The following CNN3 variants were observed in gnomAD, a reference collection of about 807,000 sequenced individuals.
CNN3 encodes calponin 3.
A neutral mutation model predicts 39.0 loss-of-function variants in CNN3; 11 were observed. That is an observed-to-expected ratio of 0.28 (90% CI 0.18 to 0.47). The LOEUF (loss-of-function observed/expected upper bound fraction) is 0.47, where lower values mean the gene tolerates loss of function less well. Ranked by LOEUF, CNN3 falls within the 20% of genes least tolerant of loss-of-function variation. CNN3 has a pLI of 0.99. For synonymous variants in CNN3, 101 were observed against 138.3 expected, an observed-to-expected ratio of 0.73 and a Z score of 1.89; for missense variants, 266 against 403.4, an observed-to-expected ratio of 0.66 and a Z score of 2.92.
chr1:94,926,905 G>A lies in CNN3; in HGVS notation c.-11C>T, dbSNP rs1253572787. On this transcript the variant is annotated 5_prime_UTR_variant, in exon 1 of 7. Transcript: ENST00000370206. This position sits in a 1 kb window ranked among gnomAD's most constrained non-coding sequence, Gnocchi z 4.2. ...GTTGAAGTGGGTCATGGTGGTTCGG[G>A]CGGCGGGAAGAGACAGCGCTGGGGT... 1 of 1,607,436 alleles carries A rather than the reference G, an allele frequency of 6.2e-7. No homozygotes were observed. Among genetic ancestry groups the A allele is most frequent in the African/African-American group, 1.4e-5 (1 of 74,014 alleles).
chr1:94,912,646 A>G (rs1445080876), intron 1 of CNN3, among the ~76,000 whole-genome samples: 1 of 152,198 alleles, frequency 6.6e-6, no homozygotes, highest in Non-Finnish European at 1.5e-5. Context: ...TGCCTGATAC[A>G]TAGTGGGCAC....
chr1:94,910,832 C>T (rs971435979), intron 1 of CNN3, among the ~76,000 whole-genome samples: 1 of 152,170 alleles, frequency 6.6e-6, no homozygotes, highest in Non-Finnish European at 1.5e-5. Context: ...ACAGAGCATT[C>T]TATTAACCAA....
chr1:94,901,904 C>A (rs573075452), intron 4 of CNN3, 119 bp from the exon 5 acceptor site: 6 of 749,428 alleles, frequency 8.0e-6, no homozygotes, highest in Non-Finnish European at 1.1e-5. Context: ...GTATTTAAGG[C>A]TGTTCAATAA....
chr1:94,906,072 T>C (rs1401012308), intron 1 of CNN3, among the ~76,000 whole-genome samples: 2 of 152,142 alleles, frequency 1.3e-5, no homozygotes, highest in African/African-American at 2.4e-5. Context: ...AACCTCCACC[T>C]CCCGAGTTCA....
At chr1:94,906,387 G>C (rs935205119) in intron 1 of CNN3, among the ~76,000 whole-genome samples, 1 of 152,170 alleles carries the variant, frequency 6.6e-6, no homozygotes, top group Non-Finnish European at 1.5e-5. Context: ...TGGTATGAAA[G>C]GGGATAGGCA....
chr1:94,913,050 C>T (rs1255250834), intron 1 of CNN3, among the ~76,000 whole-genome samples: 4 of 152,118 alleles, frequency 2.6e-5, no homozygotes, highest in Non-Finnish European at 5.9e-5. Flanking sequence ...ACTTGGCATA[C>T]TTATTAAGGA....
At chr1:94,920,957 T>C (rs149668909) in intron 1 of CNN3, among the ~76,000 whole-genome samples, 5 of 152,330 alleles carry the variant, frequency 3.3e-5, no homozygotes, top group Non-Finnish European at 7.3e-5. Context: ...AAGAGCCCAT[T>C]TGGGCTATAA....
At chr1:94,906,218 G>A (rs1199883244) in intron 1 of CNN3, among the ~76,000 whole-genome samples, 1 of 151,468 alleles carries the variant, frequency 6.6e-6, no homozygotes, top group African/African-American at 2.4e-5. Flanking sequence ...CCTGACCTCA[G>A]GTGATCCGCC....
chr1:94,901,403 A>C (rs372076761), intron 5 of CNN3, among the ~76,000 whole-genome samples: 1 of 149,860 alleles, frequency 6.7e-6, no homozygotes, highest in South Asian at 2.1e-4. Context: ...TTTCTTTTTT[A>C]AAAAAAAAAA....
intron 1 of CNN3, among the ~76,000 whole-genome samples, chr1:94,913,405 TC>T (rs1671212321): frequency 6.6e-6 from 1 of 152,224 alleles, no homozygotes; most frequent in South Asian, 2.1e-4. Context: ...GAATCCTTCT[TC>T]TACACAGAGT....
intron 1 of CNN3, among the ~76,000 whole-genome samples, chr1:94,923,679 T>G (rs1024011710): frequency 1.3e-5 from 2 of 152,198 alleles, no homozygotes; most frequent in Non-Finnish European, 2.9e-5. Flanking sequence ...TGAAATGCTT[T>G]TACAGCTAGA....
In CNN3 at chr1:94,901,803, C is replaced by T. The variant is rs780950873; in HGVS notation, c.385-18G>A. Reference sequence around the variant, plus strand: ...GTTTTAGCCTAGACAGAAACATGCACACTAACTGAAAAGGCCAACAGAGTT... The same window carrying T: ...GTTTTAGCCTAGACAGAAACATGCATACTAACTGAAAAGGCCAACAGAGTT... On this transcript the variant is annotated intron_variant, in intron 4 of 6. Transcript: ENST00000370206. 7.7e-6 allele frequency: 12 copies of T among 1,554,934 alleles called. No individual in the cohort carries two copies. Among genetic ancestry groups the T allele is most frequent in the East Asian group, 2.2e-5 (1 of 44,566 alleles).
chr1:94,907,635 C>T (rs2101725225), intron 1 of CNN3, among the ~76,000 whole-genome samples: 1 of 152,276 alleles, frequency 6.6e-6, no homozygotes, highest in Non-Finnish European at 1.5e-5. Flanking sequence ...CCAAGGTGGG[C>T]AGATCGTGAG....
intron 1 of CNN3, among the ~76,000 whole-genome samples, chr1:94,915,683 T>A (rs889181463): frequency 1.3e-5 from 2 of 152,060 alleles, no homozygotes; most frequent in Admixed American, 6.6e-5. Context: ...CCCTTCCAGA[T>A]CAAGGGCCAA....
chr1:94,925,112 AG>A (rs1327582445), intron 1 of CNN3, among the ~76,000 whole-genome samples: 2 of 152,348 alleles, frequency 1.3e-5, no homozygotes, highest in East Asian at 3.9e-4. Flanking sequence ...TCAGCAAAAA[AG>A]AAATTAGCAT....
chr1:94,912,145 A>C (rs1016476770), intron 1 of CNN3, among the ~76,000 whole-genome samples: 6 of 152,228 alleles, frequency 3.9e-5, no homozygotes, highest in African/African-American at 1.4e-4. Flanking sequence ...AACGGTAGAA[A>C]GATGCAGAGC....
At chr1:94,922,687 G>A (rs909508482) in intron 1 of CNN3, among the ~76,000 whole-genome samples, 3 of 152,174 alleles carry the variant, frequency 2.0e-5, no homozygotes, top group African/African-American at 7.2e-5. Context: ...GTCACCCTGG[G>A]TTACTCTGAT....
In CNN3 at chr1:94,897,807, G is replaced by A; in HGVS notation, c.925C>T (p.His309Tyr). 6.2e-7 allele frequency: 1 copy of A among 1,614,154 alleles called. No individual in the cohort carries two copies. The highest frequency in any genetic ancestry group is 8.5e-7 in the Non-Finnish European group (1 of 1,180,002). Residue 309 changes from histidine to tyrosine, a missense_variant, in exon 7 of 7, where the codon CAT (histidine) becomes TAT (tyrosine). Physicochemically the swap from His to Tyr is moderately conservative, Grantham distance 83. Coordinates refer to ENST00000370206, the MANE Select transcript of CNN3 (RefSeq NM_001839.5). The stretch of plus-strand genomic sequence containing the variant: ...GGGTAGTCATCCTGGTACTCGCCAT[G>A]ATACTCATCAGGGTATTCTGCCTGA... ...DYQAEYPDEYHGEYQDDYPRD... is the reference protein window; with the variant it reads ...DYQAEYPDEYYGEYQDDYPRD...
At chr1:94,900,299 G>GA (rs902161932) in intron 5 of CNN3, among the ~76,000 whole-genome samples, 7 of 152,062 alleles carry the variant, frequency 4.6e-5, no homozygotes, top group South Asian at 2.1e-4. Flanking sequence ...AAGGAGGGGG[G>GA]AAAAATCATT....
Sources: gnomAD v4.1 joint callset for allele counts (sites outside exome capture counted in the v4.1 genomes callset) on GRCh38, gnomAD v4.1.1 for gene constraint, Gnocchi (gnomAD v3.1) non-coding constraint, MANE v1.5 for transcripts, NCBI Gene and HGNC (gene_info 2026-07-23, HGNC 2026-07-21) for gene names.